The following PSD3 variants were observed in gnomAD, a reference collection of about 807,000 sequenced individuals.
PSD3 encodes pleckstrin and Sec7 domain containing 3.
In PSD3, 49 loss-of-function variants were observed where a neutral mutation model predicts 105.5. That is an observed-to-expected ratio of 0.46 (90% CI 0.37 to 0.59). The LOEUF is 0.59. Among genes scored for constraint, PSD3 ranks in the 20% least tolerant of loss-of-function variants. PSD3 has a pLI of 0.00. For synonymous variants in PSD3, 557 were observed against 457.8 expected, an observed-to-expected ratio of 1.22 and a Z score of -2.77; for missense variants, 1,561 against 1,263.8, an observed-to-expected ratio of 1.24 and a Z score of -3.57.
At chr8:18,609,686 A>T (rs1204408055) in intron 11 of PSD3, among the ~76,000 whole-genome samples, 2 of 152,266 alleles carry the variant, frequency 1.3e-5, no homozygotes, top group Non-Finnish European at 2.9e-5. Context: ...CAACTCACGC[A>T]GGGAGGAGTC....
At chr8:18,841,252 T>C (rs532223507) in intron 4 of PSD3, among the ~76,000 whole-genome samples, 1 of 152,274 alleles carries the variant, frequency 6.6e-6, no homozygotes, top group African/African-American at 2.4e-5. Context: ...CCAATATTCA[T>C]GCATGCTCAG....
At chr8:18,782,342 A>G (rs922027905) in intron 8 of PSD3, among the ~76,000 whole-genome samples, 1 of 151,750 alleles carries the variant, frequency 6.6e-6, no homozygotes, top group Non-Finnish European at 1.5e-5. Context: ...ATTTTTTTCT[A>G]TAGAGCTATC....
At chr8:18,708,983 G>T (rs376082357) in intron 9 of PSD3, among the ~76,000 whole-genome samples, 1 of 152,162 alleles carries the variant, frequency 6.6e-6, no homozygotes, top group African/African-American at 2.4e-5. Context: ...CTGCGGATCA[G>T]GAGATCCCCT....
At chr8:18,922,189 C>T (rs12155557) in intron 2 of PSD3, among the ~76,000 whole-genome samples, 16,251 of 152,150 alleles carry the variant, frequency 0.11, 982 homozygotes, top group Middle Eastern at 0.23. Context: ...AATGAAAAAA[C>T]GGTTTGTTCA....
chr8:18,679,847 T>C lies in PSD3; in HGVS notation c.2173-24162A>G, dbSNP rs577343911. ...GAAATTGATTTCTTTGCTATATCAC[T>C]GAATAAAAGCTTTAAACGGTTCACT... On this transcript the variant is annotated intron_variant, in intron 9 of 15. Coordinates refer to ENST00000327040, the MANE Select transcript of PSD3 (RefSeq NM_015310.4). 1.8e-4 allele frequency among the ~76,000 whole-genome samples: 28 copies of C among 152,338 alleles called. No individual in the cohort carries two copies. In the South Asian group the frequency reaches 5.8e-3, roughly 32 times the overall value.
chr8:18,761,916 T>C (rs1472406900), intron 9 of PSD3, among the ~76,000 whole-genome samples: 1 of 152,236 alleles, frequency 6.6e-6, no homozygotes, highest in Non-Finnish European at 1.5e-5. Flanking sequence ...CCAGATGATC[T>C]GGCCTATTTT....
At chr8:18,656,369 T>C (rs2130855958) in intron 9 of PSD3, among the ~76,000 whole-genome samples, 1 of 151,984 alleles carries the variant, frequency 6.6e-6, no homozygotes, top group East Asian at 1.9e-4. Flanking sequence ...CTTTTTTTTT[T>C]TCGTTAATGA....
At position 18,634,468 on chromosome 8, in the gene PSD3, G is replaced by GT. The variant is rs796742828; in HGVS notation, c.2217-1663dup. Among the ~76,000 whole-genome samples the GT allele has an allele frequency of 1.4e-4, 21 of 151,988 alleles. 1 individual carries two copies. The highest frequency in any genetic ancestry group is 5.1e-4 in the African/African-American group (21 of 41,466). On this transcript the variant is annotated intron_variant, in intron 10 of 15. Transcript: ENST00000327040. Reference sequence around the variant, plus strand: ...AAAATTTCAAAACTAAAAAATTAACGTAAGTTTAATACAATGAATTAAACT... The same window carrying GT: ...AAAATTTCAAAACTAAAAAATTAACGTTAAGTTTAATACAATGAATTAAACT...
chr8:18,733,665 A>T (rs1803934512), intron 9 of PSD3: 2 of 152,724 alleles, frequency 1.3e-5, no homozygotes, highest in Non-Finnish European at 2.9e-5. Context: ...GTGCCATGTC[A>T]CAATGGCTTC....
chr8:18,757,306 A>G (rs1405814787), intron 9 of PSD3, among the ~76,000 whole-genome samples: 1 of 151,892 alleles, frequency 6.6e-6, no homozygotes, highest in Non-Finnish European at 1.5e-5. Flanking sequence ...TACAAAAAAA[A>G]AAAAAAAATT....
intron 11 of PSD3, among the ~76,000 whole-genome samples, chr8:18,618,298 T>C (rs1805847694): frequency 6.7e-6 from 1 of 150,058 alleles, no homozygotes; most frequent in South Asian, 2.2e-4. Context: ...TCTTTGCCTA[T>C]AACTTTGGTC....
intron 9 of PSD3, among the ~76,000 whole-genome samples, chr8:18,666,195 G>A (rs1481937493): frequency 6.6e-6 from 1 of 152,110 alleles, no homozygotes; most frequent in East Asian, 1.9e-4. Flanking sequence ...GAATTATAGG[G>A]GCACGCCACT....
intron 8 of PSD3, among the ~76,000 whole-genome samples, chr8:18,773,771 A>G (rs1013015156): frequency 3.3e-5 from 5 of 152,026 alleles, no homozygotes; most frequent in African/African-American, 1.2e-4. Flanking sequence ...TTGTCTGTCC[A>G]TTTCTTTACA....
At chr8:19,017,049 ACTT>A (rs1311965770), upstream of PSD3, among the ~76,000 whole-genome samples, 1 of 114,428 alleles carries the variant, frequency 8.7e-6, no homozygotes, top group Non-Finnish European at 1.7e-5. Flanking sequence ...TTGGCTACAT[ACTT>A]TTTTTTTTTT....
chr8:19,009,880 G>A lies in PSD3; in HGVS notation c.21+3683C>T, dbSNP rs1239310089. Among the ~76,000 whole-genome samples, 3 of 152,116 alleles carry A rather than the reference G, an allele frequency of 2.0e-5. No homozygotes were observed. In the East Asian group the frequency reaches 5.8e-4, roughly 29 times the overall value. On this transcript the variant is annotated intron_variant, in intron 1 of 15. Transcript: ENST00000327040. ...CACTCCAGCCTGGGTGACAGAGTGA[G>A]ATCTTGTGTCAACAACAACAACAGA... is the stretch of plus-strand genomic sequence containing the variant.
At chr8:18,721,627 C>T (rs1284936630) in intron 9 of PSD3, among the ~76,000 whole-genome samples, 3 of 152,142 alleles carry the variant, frequency 2.0e-5, no homozygotes, top group Non-Finnish European at 4.4e-5. Flanking sequence ...CAGAGATGGG[C>T]CTGGGTCTTT....
chr8:18,775,429 T>G (rs79441119), intron 8 of PSD3, among the ~76,000 whole-genome samples: 12,766 of 152,224 alleles, frequency 0.084, 1,115 homozygotes, highest in East Asian at 0.35. Flanking sequence ...TCAATGAGCA[T>G]TCACACTCTT....
At chr8:18,580,292 A>C (rs1334920614) in intron 12 of PSD3, among the ~76,000 whole-genome samples, 1 of 152,138 alleles carries the variant, frequency 6.6e-6, no homozygotes, top group Admixed American at 6.5e-5. Flanking sequence ...TGGGCACATC[A>C]GCTCCAGACT....
intron 1 of PSD3, among the ~76,000 whole-genome samples, chr8:19,019,259 T>G (rs1246935074): frequency 1.3e-5 from 2 of 152,216 alleles, no homozygotes; most frequent in East Asian, 3.8e-4. Flanking sequence ...TCATTTTTTT[T>G]TATCTCTATT....
Sources: gnomAD v4.1 joint callset for allele counts (sites outside exome capture counted in the v4.1 genomes callset) on GRCh38, gnomAD v4.1.1 for gene constraint, MANE v1.5 for transcripts, NCBI Gene and HGNC (gene_info 2026-07-23, HGNC 2026-07-21) for gene names.